DLG1: variants seen among roughly 807,000 people sequenced by gnomAD.
The protein encoded by DLG1 is disks large homolog 1.
DLG1 carries 42 observed loss-of-function variants against 123.4 expected under a neutral mutation model. The observed-to-expected ratio is 0.34, with a 90% CI of 0.27 to 0.44. The LOEUF (loss-of-function observed/expected upper bound fraction) is 0.44. DLG1 is among the 20% of genes least tolerant of loss of function. The pLI is 1.00. For synonymous variants in DLG1, 317 were observed against 356.2 expected, an observed-to-expected ratio of 0.89 and a Z score of 1.24; for missense variants, 942 against 1,082.6, an observed-to-expected ratio of 0.87 and a Z score of 1.82.
At chr3:197,163,530 T>C (rs1799719548) in intron 5 of DLG1, among the ~76,000 whole-genome samples, 1 of 151,672 alleles carries the variant, frequency 6.6e-6, no homozygotes, top group African/African-American at 2.4e-5. Context: ...TATGATTTTT[T>C]TTTTTTTTTT....
chr3:197,059,051 G>A (rs752459469), intron 23 of DLG1, among the ~76,000 whole-genome samples: 3 of 152,108 alleles, frequency 2.0e-5, no homozygotes, highest in Non-Finnish European at 2.9e-5. Flanking sequence ...TCAGCATCCC[G>A]AGTAGCTGGG....
chr3:197,168,999 G>A (rs1802754460), intron 5 of DLG1, among the ~76,000 whole-genome samples: 1 of 152,182 alleles, frequency 6.6e-6, no homozygotes, highest in Admixed American at 6.5e-5. Flanking sequence ...ATGGCTATCT[G>A]AACAAATGTT....
intron 1 of DLG1, chr3:197,297,478 T>TC (rs1778037145): frequency 7.6e-7 from 1 of 1,318,184 alleles, no homozygotes; most frequent in East Asian, 3.3e-5. Flanking sequence ...CTCGAAAGCG[T>TC]CCCCTCCCCA....
chr3:197,166,380 T>C (rs150268456), intron 5 of DLG1, among the ~76,000 whole-genome samples: 9 of 152,302 alleles, frequency 5.9e-5, no homozygotes, highest in African/African-American at 2.2e-4. Flanking sequence ...AAAATTAGCA[T>C]GAGACCTATG....
intron 3 of DLG1, among the ~76,000 whole-genome samples, chr3:197,287,867 A>C (rs986377920): frequency 6.6e-6 from 1 of 152,204 alleles, no homozygotes; most frequent in African/African-American, 2.4e-5. Context: ...CTAAAAAATA[A>C]ATACAACATT....
In DLG1 at chr3:197,103,431, C is replaced by T. The variant is rs150392876; in HGVS notation, c.1546+1472G>A. On this transcript the variant is annotated intron_variant, in intron 14 of 24. Transcript: ENST00000667157. The stretch of plus-strand genomic sequence containing the variant: ...TACTAAGGAACCAGTGACTGTAACT[C>T]GGCTTCCATATAGTGTACCTACGGG... Among the ~76,000 whole-genome samples the T allele has an allele frequency of 5.3e-3, 812 of 152,138 alleles. 7 individuals are homozygous for T. Among genetic ancestry groups the T allele is most frequent in the African/African-American group, 0.018 (747 of 41,478 alleles).
chr3:197,129,093 T>C (rs73210512), intron 11 of DLG1, among the ~76,000 whole-genome samples: 2,245 of 152,368 alleles, frequency 0.015, 25 homozygotes, highest in South Asian at 0.081. Flanking sequence ...CAGCTTGTAC[T>C]TTGAAGCTTT....
chr3:197,208,749 G>A lies in DLG1; in HGVS notation c.319-14160C>T, dbSNP rs1335373620. 5.5e-5 allele frequency among the ~76,000 whole-genome samples: 8 copies of A among 145,504 alleles called. 1 individual carries two copies. Among genetic ancestry groups the A allele is most frequent in the African/African-American group, 9.8e-5 (4 of 40,950 alleles). Reference sequence around the variant, plus strand: ...AAAATACACATATTTGCTTATATACGGAGAAACCAGGATGCATAGGAAACA... The same window carrying A: ...AAAATACACATATTTGCTTATATACAGAGAAACCAGGATGCATAGGAAACA... On this transcript the variant is annotated intron_variant, in intron 4 of 24. Coordinates refer to ENST00000667157, the MANE Select transcript of DLG1 (RefSeq NM_001366207.1).
chr3:197,131,750 C>T (rs575831901), intron 10 of DLG1, among the ~76,000 whole-genome samples: 2 of 150,654 alleles, frequency 1.3e-5, no homozygotes, highest in South Asian at 2.1e-4. Context: ...CCCGCCACTA[C>T]GCCCGGCTAA....
rs1778220206 is a variant in DLG1 at position 197,297,757 on chromosome 3, G to A, written c.-31-522C>T. The A allele has an allele frequency of 1.4e-5, 14 of 986,132 alleles. No homozygotes were observed. In the South Asian group the frequency reaches 2.3e-4, roughly 16 times the overall value. The allele number at this position is 986,132 out of a possible 1,614,324, so 61.1% of individuals were successfully genotyped here. A position where few individuals can be genotyped will look rare whatever the true frequency, so the allele number is the denominator to read the frequency against. On this transcript the variant is annotated intron_variant, in intron 1 of 24. Transcript: ENST00000667157. ...GCTCTCCGCGACGCCCTCGCGCCCC[G>A]CATGCACACCTCCGCGGGCCCCCAC...
chr3:197,267,947 T>C (rs1254522672), intron 4 of DLG1, among the ~76,000 whole-genome samples: 1 of 152,122 alleles, frequency 6.6e-6, no homozygotes, highest in East Asian at 1.9e-4. Context: ...AGATATTCCA[T>C]AATGAAAAAG....
intron 22 of DLG1, among the ~76,000 whole-genome samples, chr3:197,063,661 C>G (rs146115832): frequency 3.9e-5 from 6 of 152,234 alleles, no homozygotes; most frequent in Non-Finnish European, 8.8e-5. Context: ...CAATTATAAA[C>G]AATGCTACAA....
intron 4 of DLG1, among the ~76,000 whole-genome samples, chr3:197,251,033 T>G (rs1384676422): frequency 6.8e-6 from 1 of 147,686 alleles, no homozygotes; most frequent in Non-Finnish European, 1.5e-5. Context: ...AATGGAAAGC[T>G]ATTCCATGCT....
intron 22 of DLG1, among the ~76,000 whole-genome samples, chr3:197,061,436 T>A (rs1436713582): frequency 2.6e-5 from 4 of 152,194 alleles, no homozygotes; most frequent in African/African-American, 9.7e-5. Context: ...TCTTACATAA[T>A]CACAATATGA....
At chr3:197,114,987 G>GAAAAAAAAAAAAAAAAAAAAAAAAAAAA (rs375841391) in intron 13 of DLG1, among the ~76,000 whole-genome samples, 1 of 86,076 alleles carries the variant, frequency 1.2e-5, no homozygotes, top group Non-Finnish European at 2.1e-5. Context: ...CCATCTCAAG[G>GAAAAAAAAAAAAAAAAAAAAAAAAAAAA]AAAAAAAAAA....
chr3:197,249,451 A>T (rs1753312205), intron 4 of DLG1, among the ~76,000 whole-genome samples: 2 of 150,682 alleles, frequency 1.3e-5, no homozygotes, highest in South Asian at 4.2e-4. Flanking sequence ...TAAAACAAAA[A>T]ATTAAGTCTC....
At chr3:197,092,186 T>C (rs747944441) in intron 14 of DLG1, among the ~76,000 whole-genome samples, 1 of 152,206 alleles carries the variant, frequency 6.6e-6, no homozygotes, top group Non-Finnish European at 1.5e-5. Context: ...GACTGATGAA[T>C]GGAGATCATA....
chr3:197,274,407 A>G (rs1765389391), intron 4 of DLG1, among the ~76,000 whole-genome samples: 1 of 152,208 alleles, frequency 6.6e-6, no homozygotes, highest in South Asian at 2.1e-4. Flanking sequence ...GAATGAATCT[A>G]GACTCCCATT....
intron 4 of DLG1, among the ~76,000 whole-genome samples, chr3:197,204,417 C>T (rs539781626): frequency 6.6e-6 from 1 of 152,176 alleles, no homozygotes; most frequent in East Asian, 1.9e-4. Flanking sequence ...GTTAACTATG[C>T]TCTTTGTAAA....
Sources: gnomAD v4.1 joint callset for allele counts (sites outside exome capture counted in the v4.1 genomes callset) on GRCh38, gnomAD v4.1.1 for gene constraint, MANE v1.5 for transcripts, NCBI Gene and HGNC (gene_info 2026-07-23, HGNC 2026-07-21) for gene names.